The following WDR20 variants were observed in gnomAD, a reference collection of about 807,000 sequenced individuals.
WDR20 encodes WD repeat-containing protein 20.
In WDR20, 3 loss-of-function variants were observed where a neutral mutation model predicts 38.7. The ratio of observed to expected loss-of-function variants is 0.08; its 90% CI spans 0.04 to 0.20. WDR20 has a LOEUF of 0.20. Among genes scored for constraint, WDR20 ranks in the 10% least tolerant of loss-of-function variants. WDR20 has a pLI of 1.00. For synonymous variants in WDR20, 298 were observed against 285.6 expected (o/e 1.04, Z -0.44); for missense variants, 559 against 727.7 (o/e 0.77, Z 2.67).
intron 1 of WDR20, among the ~76,000 whole-genome samples, chr14:102,161,967 C>T (rs535034227): frequency 1.4e-4 from 22 of 152,306 alleles, no homozygotes; most frequent in African/African-American, 5.3e-4. Context: ...CAAGGAAATA[C>T]GCACTGGTTA....
chr14:102,162,983 G>T (rs1048506623), intron 1 of WDR20, among the ~76,000 whole-genome samples: 2 of 152,114 alleles, frequency 1.3e-5, no homozygotes, highest in Admixed American at 6.5e-5. Context: ...ACAGACAGAG[G>T]CTTGCTAGCC....
At chr14:102,160,938 ACT>A (rs1474565878) in intron 1 of WDR20, among the ~76,000 whole-genome samples, 1 of 88,702 alleles carries the variant, frequency 1.1e-5, no homozygotes, top group Non-Finnish European at 2.2e-5. Flanking sequence ...ACAGGGCAAG[ACT>A]CTGTCTCAAA....
intron 1 of WDR20, among the ~76,000 whole-genome samples, chr14:102,182,696 A>G (rs2063641245): frequency 6.6e-6 from 1 of 151,694 alleles, no homozygotes; most frequent in Non-Finnish European, 1.5e-5. Context: ...ATTTTTTTCT[A>G]TTAAAAAATT....
chr14:102,151,318 T>A (rs903598917), intron 1 of WDR20, among the ~76,000 whole-genome samples: 1 of 152,102 alleles, frequency 6.6e-6, no homozygotes. Flanking sequence ...AAACGAACTA[T>A]GACTGATACT....
intron 1 of WDR20, among the ~76,000 whole-genome samples, chr14:102,160,260 T>C (rs2058343223): frequency 6.6e-6 from 1 of 152,192 alleles, no homozygotes; most frequent in Non-Finnish European, 1.5e-5. Context: ...AATTTAATTT[T>C]ATATTTCAGT....
intron 1 of WDR20, among the ~76,000 whole-genome samples, chr14:102,178,560 G>T (rs2062674367): frequency 6.6e-6 from 1 of 151,960 alleles, no homozygotes; most frequent in Non-Finnish European, 1.5e-5. Context: ...AGAACTTGTG[G>T]CAATGAAGAT....
chr14:102,202,633 G>T (rs1015706586), intron 2 of WDR20, among the ~76,000 whole-genome samples: 2 of 152,038 alleles, frequency 1.3e-5, no homozygotes, highest in African/African-American at 4.8e-5. Flanking sequence ...GCCCGCCTTG[G>T]CCTCCCAAAG....
At chr14:102,166,659 C>T (rs997446189) in intron 1 of WDR20, among the ~76,000 whole-genome samples, 1 of 152,168 alleles carries the variant, frequency 6.6e-6, no homozygotes, top group Non-Finnish European at 1.5e-5. Context: ...ATACTATACT[C>T]TTCATTATCT....
At chr14:102,157,927 A>G (rs977372519) in intron 1 of WDR20, among the ~76,000 whole-genome samples, 6 of 152,042 alleles carry the variant, frequency 3.9e-5, no homozygotes, top group Non-Finnish European at 8.8e-5. Flanking sequence ...GTTCCAAAGT[A>G]ATGTACTACA....
intron 2 of WDR20, chr14:102,197,728 G>A (rs1460478721): frequency 1.4e-6 from 1 of 697,646 alleles, no homozygotes; most frequent in African/African-American, 1.7e-5. Context: ...AATGAAGGGA[G>A]TGACAGGATC....
At chr14:102,152,872 T>C (rs1361915979) in intron 1 of WDR20, among the ~76,000 whole-genome samples, 1 of 152,176 alleles carries the variant, frequency 6.6e-6, no homozygotes, top group Non-Finnish European at 1.5e-5. Flanking sequence ...CCAGTTCTGT[T>C]CAACCCTAGA....
Position 102,209,251 on chromosome 14 carries a change from C to T in WDR20, c.1081C>T (p.Arg361Cys), listed in dbSNP as rs552056249. Reference protein sequence around the residue: ...RLSKRNSTDSRPVSVTYRFGS... With the variant: ...RLSKRNSTDSCPVSVTYRFGS... ...CTCCAAACGGAACTCTACAGACAGC[C>T]GCCCCGTAAGTGTCACGTATCGGTT... The change falls in exon 3 of 3, where the codon CGC (arginine) becomes TGC (cysteine). Residue 361 changes from arginine (R) to cysteine (C), a missense_variant. Coordinates refer to ENST00000342702, the MANE Select transcript of WDR20 (RefSeq NM_144574.4). The surrounding 1 kb of genome is among the most constrained non-coding windows in gnomAD (Gnocchi z 6.0). 8 of 1,614,170 alleles carry T rather than the reference C, an allele frequency of 5.0e-6. No homozygotes were observed. Among genetic ancestry groups the T allele is most frequent in the South Asian group, 4.4e-5 (4 of 91,074 alleles).
At chr14:102,168,609 A>C (rs529339322) in intron 1 of WDR20, among the ~76,000 whole-genome samples, 1 of 152,164 alleles carries the variant, frequency 6.6e-6, no homozygotes, top group Non-Finnish European at 1.5e-5. Flanking sequence ...GATGGTGTTC[A>C]TAACCTGTTT....
intron 1 of WDR20, among the ~76,000 whole-genome samples, chr14:102,162,712 C>G (rs938647434): frequency 6.6e-6 from 1 of 152,108 alleles, no homozygotes; most frequent in Admixed American, 6.5e-5. Context: ...CTCCTGGGCT[C>G]AAGCCAGCCT....
rs769777369 is a variant in WDR20 at position 102,209,781 on chromosome 14, T to G, written c.1611T>G (p.Thr537=). The change falls in exon 3 of 3, where the codon ACT becomes ACG. Residue 537 remains threonine (T), a synonymous_variant. Transcript: ENST00000342702. This position sits in a 1 kb window ranked among gnomAD's most constrained non-coding sequence, Gnocchi z 6.0. ...ICKKIAHERL[T]VLIFLEDCIV... ...AAAAGATAGCACATGAGAGACTGAC[T>G]GTACTAATATTTCTTGAAGACTGTA... 2 of 1,614,060 alleles carry G rather than the reference T, an allele frequency of 1.2e-6. No homozygotes were observed. Among genetic ancestry groups the G allele is most frequent in the South Asian group, 2.2e-5 (2 of 91,088 alleles).
In WDR20 at chr14:102,142,654, C is replaced by A. The variant is rs1346033634; in HGVS notation, c.249+2482C>A. On this transcript the variant is annotated intron_variant, in intron 1 of 2. Coordinates refer to ENST00000342702, the MANE Select transcript of WDR20 (RefSeq NM_144574.4). ...ATGTTTTTTAGAGATGGAGGTCTTG[C>A]CGTGTTGCCCAGGCTGGTCTTGAAC... Among the ~76,000 whole-genome samples, 3 of 151,822 alleles carry A rather than the reference C, an allele frequency of 2.0e-5. No homozygotes were observed. The East Asian group carries it at 5.8e-4, about 29-fold the overall frequency.
chr14:102,170,561 A>G (rs186469122), intron 1 of WDR20, among the ~76,000 whole-genome samples: 18 of 152,210 alleles, frequency 1.2e-4, no homozygotes, highest in African/African-American at 3.1e-4. Context: ...TTTAAGAGCC[A>G]TCTGTATTTT....
rs138281148 is a variant in WDR20 at position 102,139,983 on chromosome 14, G to C, written c.60G>C (p.Arg20=). 1.3e-3 allele frequency: 2,078 copies of C among 1,614,110 alleles called. 3 individuals are homozygous for C. Among genetic ancestry groups the C allele is most frequent in the Non-Finnish European group, 1.7e-3 (1,954 of 1,180,042 alleles). The part of the protein sequence containing the change: ...MNEIKTQFTT[R]EGLYKLLPHS... ...AGATTAAGACCCAATTCACCACCCG[G>C]GAAGGTCTGTACAAGCTGCTGCCGC... The change falls in exon 1 of 3, where the codon CGG becomes CGC. Residue 20 remains arginine, a synonymous_variant. Transcript: ENST00000342702.
rs539524142 is a variant in WDR20 at position 102,186,814 on chromosome 14, G to T, written c.250-8124G>T. On this transcript the variant is annotated intron_variant, in intron 1 of 2. Coordinates refer to ENST00000342702, the MANE Select transcript of WDR20 (RefSeq NM_144574.4). ...AAAATAAAAAAAATTAGCCGGGGTG[G>T]TGGGGGGCGCCTGTAGTCCCAGCTA... Among the ~76,000 whole-genome samples the T allele has an allele frequency of 2.6e-5, 4 of 152,202 alleles. No homozygotes were observed. The South Asian group carries it at 8.3e-4, about 32-fold the overall frequency.
Sources: allele counts gnomAD v4.1 joint callset (sites outside exome capture counted in the v4.1 genomes callset), GRCh38; gene constraint gnomAD v4.1.1; non-coding constraint Gnocchi (gnomAD v3.1); transcripts MANE v1.5; gene names NCBI Gene and HGNC (gene_info 2026-07-23, HGNC 2026-07-21).